Variants in MYO5B observed in about 807,000 individuals in gnomAD.
MYO5B encodes the protein myosin VB.
Under a neutral mutation model 229.3 loss-of-function variants are expected in MYO5B, and 143 were observed. That is an observed-to-expected ratio of 0.62 (90% CI 0.54 to 0.72). MYO5B has a LOEUF of 0.72. MYO5B is among the 30% of genes least tolerant of loss of function. The pLI, the probability that MYO5B is intolerant of heterozygous loss-of-function variation, is 0.00. For synonymous variants in MYO5B, 918 were observed against 885.2 expected (o/e 1.04, Z -0.66); for missense variants, 2,321 against 2,331.0 (o/e 1.00, Z 0.09).
At chr18:49,849,284 C>A (rs527472050) in intron 32 of MYO5B, among the ~76,000 whole-genome samples, 166 of 152,272 alleles carry the variant, frequency 1.1e-3, no homozygotes, top group African/African-American at 3.9e-3. Flanking sequence ...GGGCAGGGAC[C>A]ACCAGGTCAC....
At chr18:50,157,547 C>T (rs2032700180) in intron 1 of MYO5B, among the ~76,000 whole-genome samples, 2 of 152,196 alleles carry the variant, frequency 1.3e-5, no homozygotes, top group African/African-American at 4.8e-5. Flanking sequence ...TGGGCCTTTG[C>T]ATTGGCTTTT....
chr18:49,943,688 G>A (rs2025340844), intron 14 of MYO5B, among the ~76,000 whole-genome samples: 1 of 152,102 alleles, frequency 6.6e-6, no homozygotes, highest in Non-Finnish European at 1.5e-5. Flanking sequence ...GCTAGGAACT[G>A]GTAAAACAAA....
chr18:49,870,294 A>G (rs145110866), intron 27 of MYO5B, among the ~76,000 whole-genome samples: 1 of 152,212 alleles, frequency 6.6e-6, no homozygotes, highest in African/African-American at 2.4e-5. Context: ...GATTAACTCA[A>G]AGTGGATCAA....
intron 19 of MYO5B, 70 bp from the exon 20 acceptor site, chr18:49,904,898 G>C: frequency 6.4e-7 from 1 of 1,568,436 alleles, no homozygotes; most frequent in Non-Finnish European, 8.6e-7. Flanking sequence ...AGAACCCTGA[G>C]ACATCTGCAA....
chr18:50,004,904 T>C (rs1057492438), intron 4 of MYO5B, among the ~76,000 whole-genome samples: 2 of 152,226 alleles, frequency 1.3e-5, no homozygotes, highest in Non-Finnish European at 2.9e-5. Context: ...AAATGGACAT[T>C]AAAGACAGAC....
In MYO5B at chr18:49,974,493, G is replaced by T. The variant is rs2025723688; in HGVS notation, c.1179C>A (p.Ser393=). ...TTSETYVKTM[S]LQQVINARNA... ...TGCGCGCATTGATCACCTGCTGCAG[G>T]GACATGGTCTTGACGTAGGTCTCCG... The change falls in exon 10 of 40, where the codon TCC becomes TCA. Residue 393 remains serine, a synonymous_variant. Coordinates refer to ENST00000285039, the MANE Select transcript of MYO5B (RefSeq NM_001080467.3). The T allele has an allele frequency of 1.9e-6, 3 of 1,614,050 alleles. No individual in the cohort carries two copies. The East Asian group carries it at 6.7e-5, about 36-fold the overall frequency.
At chr18:49,919,675 TG>T (rs2025054148) in intron 17 of MYO5B, among the ~76,000 whole-genome samples, 1 of 152,098 alleles carries the variant, frequency 6.6e-6, no homozygotes. Flanking sequence ...CAAGAACAAA[TG>T]TTGATGAGAA....
intron 1 of MYO5B, among the ~76,000 whole-genome samples, chr18:50,091,266 G>A (rs1354638774): frequency 3.3e-5 from 5 of 152,298 alleles, no homozygotes; most frequent in African/African-American, 9.6e-5. Flanking sequence ...CAACTACTGC[G>A]TATTTACTAA....
At chr18:50,158,381 G>T (rs143993508) in intron 1 of MYO5B, among the ~76,000 whole-genome samples, 24 of 152,258 alleles carry the variant, frequency 1.6e-4, no homozygotes, top group African/African-American at 5.8e-4. Flanking sequence ...GACTTAGCAG[G>T]TGAGCCTCCA....
intron 12 of MYO5B, among the ~76,000 whole-genome samples, chr18:49,955,139 C>A (rs1427368907): frequency 6.6e-6 from 1 of 152,202 alleles, no homozygotes; most frequent in Non-Finnish European, 1.5e-5. Context: ...GCAGTGAGAA[C>A]TAAGTACCTA....
At chr18:50,013,948 A>G (rs183451891) in intron 4 of MYO5B, among the ~76,000 whole-genome samples, 263 of 152,318 alleles carry the variant, frequency 1.7e-3, no homozygotes, top group African/African-American at 5.9e-3. Context: ...TTACAGCCTC[A>G]GGTGCCGCTG....
intron 22 of MYO5B, among the ~76,000 whole-genome samples, chr18:49,882,352 A>C (rs2024596205): frequency 2.4e-5 from 1 of 42,278 alleles, no homozygotes; most frequent in Non-Finnish European, 4.3e-5. Flanking sequence ...CCGGCCAGGT[A>C]CCGTGCGTGG....
intron 9 of MYO5B, among the ~76,000 whole-genome samples, chr18:49,977,132 C>G (rs568436197): frequency 1.3e-5 from 2 of 152,254 alleles, no homozygotes; most frequent in Admixed American, 6.5e-5. Flanking sequence ...TTTTAACCAC[C>G]ACAGTGGGGC....
intron 4 of MYO5B, among the ~76,000 whole-genome samples, chr18:50,022,015 G>C (rs887201790): frequency 3.0e-4 from 45 of 152,128 alleles, no homozygotes; most frequent in African/African-American, 1.1e-3. Context: ...GTCAGAAGCA[G>C]GGTAGGAAAT....
intron 22 of MYO5B, among the ~76,000 whole-genome samples, chr18:49,893,296 T>C (rs1787577): frequency 0.6 from 91,246 of 151,992 alleles, 27,428 homozygotes; most frequent in Middle Eastern, 0.67. Flanking sequence ...GGAATGTTTT[T>C]TCTCCCAGGG....
At chr18:50,164,302 T>C (rs889881603) in intron 1 of MYO5B, among the ~76,000 whole-genome samples, 3 of 152,256 alleles carry the variant, frequency 2.0e-5, no homozygotes, top group Non-Finnish European at 4.4e-5. Flanking sequence ...TGCCTTGTTA[T>C]GGGTGGCCTT....
In MYO5B at chr18:50,122,439, T is replaced by TAA. The variant is rs71169481; in HGVS notation, c.28-67063_28-67062dup. ...CAACATGGTGAAACCCTGTCTCAAC[T>TAA]AAAAAAAAAAAAAAAAAAAAAATCA... On this transcript the variant is annotated intron_variant, in intron 1 of 39. Coordinates refer to ENST00000285039, the MANE Select transcript of MYO5B (RefSeq NM_001080467.3). Among the ~76,000 whole-genome samples, 67 of 41,888 alleles carry TAA rather than the reference T, an allele frequency of 1.6e-3. 6 individuals carry two copies. The highest frequency in any genetic ancestry group is 6.4e-3 in the African/African-American group (61 of 9,564). 27.5% of individuals were successfully genotyped at this position (41,888 alleles called of 152,430 possible).
At chr18:50,160,625 A>C (rs886879622) in intron 1 of MYO5B, among the ~76,000 whole-genome samples, 1 of 152,034 alleles carries the variant, frequency 6.6e-6, no homozygotes, top group Non-Finnish European at 1.5e-5. Context: ...ACCTCCAGCA[A>C]TGAGAGGGTC....
chr18:50,156,326 A>G (rs1705512), intron 1 of MYO5B, among the ~76,000 whole-genome samples: 149,082 of 152,316 alleles, frequency 0.98, 73,044 homozygotes, highest in East Asian at 1. Flanking sequence ...ATCTTGAACT[A>G]TAGTTCCCAT....
Sources: gnomAD v4.1 joint callset for allele counts (sites outside exome capture counted in the v4.1 genomes callset) on GRCh38, gnomAD v4.1.1 for gene constraint, MANE v1.5 for transcripts, NCBI Gene and HGNC (gene_info 2026-07-23, HGNC 2026-07-21) for gene names.